CAMTA1: variants seen among roughly 807,000 people sequenced by gnomAD.
CAMTA1 encodes the protein calmodulin-binding transcription activator 1.
A neutral mutation model predicts 170.9 loss-of-function variants in CAMTA1; 27 were observed. That is an observed-to-expected ratio of 0.16 (90% CI 0.12 to 0.22). The LOEUF (loss-of-function observed/expected upper bound fraction) is 0.22. Ranked by LOEUF, CAMTA1 falls within the 10% of genes least tolerant of loss-of-function variation. CAMTA1 has a pLI of 1.00. For missense variants in CAMTA1, 1,619 were observed against 2,217.2 expected (o/e 0.73, Z 5.42); for synonymous variants, 833 against 891.5 (o/e 0.93, Z 1.17).
chr1:7,281,004 A>G (rs1671426063), intron 5 of CAMTA1, among the ~76,000 whole-genome samples: 1 of 152,250 alleles, frequency 6.6e-6, no homozygotes, highest in African/African-American at 2.4e-5. Flanking sequence ...AAAGAGCCAA[A>G]TTATTTACAA....
intron 3 of CAMTA1, among the ~76,000 whole-genome samples, chr1:6,892,640 TTATA>T (rs1183731549): frequency 2.6e-5 from 4 of 151,402 alleles, no homozygotes; most frequent in Non-Finnish European, 5.9e-5. Context: ...GTAGATGCTT[TTATA>T]TAAATTCTAT....
intron 5 of CAMTA1, among the ~76,000 whole-genome samples, chr1:7,417,895 G>C (rs527958642): frequency 1.3e-5 from 2 of 152,118 alleles, no homozygotes; most frequent in African/African-American, 2.4e-5. Context: ...GACCCGAGCT[G>C]TTCCTATTTG....
chr1:6,992,927 A>G (rs1696626591), intron 3 of CAMTA1, among the ~76,000 whole-genome samples: 1 of 152,260 alleles, frequency 6.6e-6, no homozygotes, highest in African/African-American at 2.4e-5. Context: ...GTAGGAGACA[A>G]CATTGTTATT....
intron 3 of CAMTA1, among the ~76,000 whole-genome samples, chr1:7,018,144 T>TTTTTTTTTTTTTTTTTGAG (rs1553219179): frequency 5.3e-5 from 8 of 151,446 alleles, no homozygotes; most frequent in East Asian, 1.9e-4. Context: ...CAGGGCTTTT[T>TTTTTTTTTTTTTTTTTGAG]AACAGATGGT....
chr1:6,926,685 T>C (rs115860634), intron 3 of CAMTA1, among the ~76,000 whole-genome samples: 9 of 134,850 alleles, frequency 6.7e-5, no homozygotes, highest in African/African-American at 8.4e-5. Flanking sequence ...ATTTCCTTCC[T>C]TCCTTCCCTC....
intron 3 of CAMTA1, among the ~76,000 whole-genome samples, chr1:6,959,186 T>C (rs1165427658): frequency 6.6e-6 from 1 of 152,152 alleles, no homozygotes; most frequent in Non-Finnish European, 1.5e-5. Context: ...ATTATATAGA[T>C]ATCCAGGGGA....
At chr1:7,432,334 G>C (rs1397333652) in intron 5 of CAMTA1, among the ~76,000 whole-genome samples, 1 of 152,248 alleles carries the variant, frequency 6.6e-6, no homozygotes, top group East Asian at 1.9e-4. Flanking sequence ...ACTGAAGTCA[G>C]GTTTTGAATT....
chr1:7,739,028 C>A (rs1227270380), intron 16 of CAMTA1, among the ~76,000 whole-genome samples: 1 of 152,154 alleles, frequency 6.6e-6, no homozygotes, highest in Non-Finnish European at 1.5e-5. Flanking sequence ...ATTCCAGAAT[C>A]TTTTCAGGAC....
At chr1:7,374,814 C>T (rs1018838190) in intron 5 of CAMTA1, among the ~76,000 whole-genome samples, 4 of 152,208 alleles carry the variant, frequency 2.6e-5, no homozygotes, top group Non-Finnish European at 4.4e-5. Flanking sequence ...ATTACCCCCA[C>T]GTTGCAAGGG....
intron 1 of CAMTA1, among the ~76,000 whole-genome samples, chr1:6,792,807 T>G (rs1287488258): frequency 1.3e-5 from 2 of 152,172 alleles, no homozygotes; most frequent in Non-Finnish European, 2.9e-5. Flanking sequence ...TTCCTGAGAC[T>G]GTGAGCCGAA....
chr1:6,825,390 G>T (rs562321170), intron 3 of CAMTA1, among the ~76,000 whole-genome samples, 180 bp downstream of exon 3: 1 of 152,156 alleles, frequency 6.6e-6, no homozygotes, highest in South Asian at 2.1e-4. Context: ...ATCTGTCTCT[G>T]ATCTGCTTGG....
chr1:7,697,536 T>C (rs2096389416), intron 11 of CAMTA1, among the ~76,000 whole-genome samples: 1 of 152,244 alleles, frequency 6.6e-6, no homozygotes, highest in African/African-American at 2.4e-5. Flanking sequence ...CAGAGATGTC[T>C]CTGCATTTCG....
chr1:6,876,275 G>C (rs968081476), intron 3 of CAMTA1, among the ~76,000 whole-genome samples: 1 of 151,566 alleles, frequency 6.6e-6, no homozygotes, highest in Non-Finnish European at 1.5e-5. Flanking sequence ...CAATGTATCT[G>C]TCATCAGACT....
chr1:7,157,350 A>AG (rs1646952068), intron 4 of CAMTA1, among the ~76,000 whole-genome samples: 1 of 141,144 alleles, frequency 7.1e-6, no homozygotes, highest in Admixed American at 7.3e-5. Flanking sequence ...GTCTCAAAAA[A>AG]AAAAAAAAAA....
rs2095507012 is a variant in CAMTA1, at chr1:7,609,236, T to C, written c.511-31164T>C. Among the ~76,000 whole-genome samples, 1 of 151,540 alleles carries C rather than the reference T, an allele frequency of 6.6e-6. No homozygotes were observed. Among genetic ancestry groups the C allele is most frequent in the Non-Finnish European group, 1.5e-5 (1 of 67,798 alleles). ...TGCTCATCCTTGAGCCTGGGTTGGA[T>C]TTTTTTTTAATGTTTAAAAATTCCC... On this transcript the variant is annotated intron_variant, in intron 6 of 22. Transcript: ENST00000303635. The surrounding 1 kb of genome is among the most constrained non-coding windows in gnomAD (Gnocchi z 4.4).
intron 5 of CAMTA1, among the ~76,000 whole-genome samples, chr1:7,334,541 A>G (rs946543161): frequency 6.6e-6 from 1 of 152,274 alleles, no homozygotes; most frequent in East Asian, 1.9e-4. Flanking sequence ...GTGTCATAAA[A>G]CTGGGCCAAG....
intron 22 of CAMTA1, among the ~76,000 whole-genome samples, chr1:7,757,301 G>A (rs1166401305): frequency 6.6e-6 from 1 of 152,192 alleles, no homozygotes; most frequent in Non-Finnish European, 1.5e-5. Flanking sequence ...CAGGAAAGCA[G>A]CCACAGACAA....
chr1:6,984,777 C>T (rs538524464), intron 3 of CAMTA1, among the ~76,000 whole-genome samples: 8 of 152,348 alleles, frequency 5.3e-5, no homozygotes, highest in African/African-American at 1.4e-4. Flanking sequence ...CTGGGTTCTG[C>T]TCCTCAGTCC....
At chr1:7,491,495 A>ATTGCTTAAAACAGGGC (rs2093702570) in intron 6 of CAMTA1, among the ~76,000 whole-genome samples, 1 of 152,196 alleles carries the variant, frequency 6.6e-6, no homozygotes, top group Admixed American at 6.5e-5. Flanking sequence ...CGATTGTCCA[A>ATTGCTTAAAACAGGGC]TTGCTTAAAA....
Sources: allele counts gnomAD v4.1 joint callset (sites outside exome capture counted in the v4.1 genomes callset), GRCh38; gene constraint gnomAD v4.1.1; non-coding constraint Gnocchi (gnomAD v3.1); transcripts MANE v1.5; gene names NCBI Gene and HGNC (gene_info 2026-07-23, HGNC 2026-07-21).